DAAM1: variants seen among roughly 807,000 people sequenced by gnomAD.
DAAM1 encodes disheveled-associated activator of morphogenesis 1.
Under a neutral mutation model 130.0 loss-of-function variants are expected in DAAM1, and 52 were observed. The ratio of observed to expected loss-of-function variants is 0.40; its 90% CI spans 0.32 to 0.50. DAAM1 has a LOEUF of 0.50. Ranked by LOEUF, DAAM1 falls within the 20% of genes least tolerant of loss-of-function variation. The pLI is 0.61. For missense variants in DAAM1, 1,134 were observed against 1,303.8 expected (o/e 0.87, Z 2.01); for synonymous variants, 452 against 444.5 (o/e 1.02, Z -0.21).
In DAAM1 at chr14:59,264,212, G is replaced by T. The variant is rs138221304; in HGVS notation, c.183+552G>T. 2.1e-3 allele frequency: 336 copies of T among 161,680 alleles called. 1 individual carries two copies. The highest frequency in any genetic ancestry group is 7.6e-3 in the African/African-American group (315 of 41,612). 10.0% of individuals were successfully genotyped at this position (161,680 alleles called of 1,614,324 possible). ...AACTGCTGTGGGAATCTTTTTATAG[G>T]TACTATCATATTTTAGAATCAAATA... On this transcript the variant is annotated intron_variant, in intron 2 of 24. Coordinates refer to ENST00000360909, the MANE Select transcript of DAAM1 (RefSeq NM_001270520.2).
rs1486044812 is a variant in DAAM1, at chr14:59,201,426, C to A, written c.-38+12658C>A. ...CCACCTGAGGTCAGGAGCTCGAGAC[C>A]AGCCTGGCCAACATGGCAAAACCCT... is the stretch of plus-strand genomic sequence containing the variant. On this transcript the variant is annotated intron_variant, in intron 1 of 24. Transcript: ENST00000360909. 2.6e-5 allele frequency among the ~76,000 whole-genome samples: 4 copies of A among 151,990 alleles called. No individual in the cohort carries two copies. The East Asian group carries it at 7.8e-4, about 29-fold the overall frequency.
chr14:59,370,228 A>G lies in DAAM1; in HGVS notation c.*1369A>G, dbSNP rs78026133. On this transcript the variant is annotated 3_prime_UTR_variant, in exon 25 of 25. Transcript: ENST00000360909. Reference sequence around the variant, plus strand: ...AACGTTTTCTCTTTTCTTTCTATTGATCCTGTTGTGGTTGGGTTTCCTGTG... The same window carrying G: ...AACGTTTTCTCTTTTCTTTCTATTGGTCCTGTTGTGGTTGGGTTTCCTGTG... 5 of 118,990 alleles carry G rather than the reference A, an allele frequency of 4.2e-5. No homozygotes were observed. In the East Asian group the frequency reaches 1.2e-3, roughly 29 times the overall value. 7.4% of individuals were successfully genotyped at this position (118,990 alleles called of 1,614,324 possible).
chr14:59,289,150 C>T (rs950559056), intron 2 of DAAM1, among the ~76,000 whole-genome samples: 4 of 152,116 alleles, frequency 2.6e-5, no homozygotes, highest in South Asian at 2.1e-4. Context: ...CTCCTGACCT[C>T]GTGATCTGCC....
intron 23 of DAAM1, among the ~76,000 whole-genome samples, 200 bp downstream of exon 23, chr14:59,363,982 T>C (rs1035749825): frequency 6.6e-6 from 1 of 152,262 alleles, no homozygotes. Flanking sequence ...AGACTGTGAT[T>C]AATCTGAACA....
At chr14:59,227,005 C>T (rs919908270) in intron 1 of DAAM1, among the ~76,000 whole-genome samples, 2 of 152,166 alleles carry the variant, frequency 1.3e-5, no homozygotes, top group African/African-American at 4.8e-5. Flanking sequence ...ATTTTTCCCC[C>T]ACCTTGTTTT....
At chr14:59,220,907 T>C (rs1888750157) in intron 1 of DAAM1, among the ~76,000 whole-genome samples, 1 of 152,200 alleles carries the variant, frequency 6.6e-6, no homozygotes, top group Non-Finnish European at 1.5e-5. Flanking sequence ...AGAGGATCTT[T>C]CCTGAATCTA....
chr14:59,355,146 T>C lies in DAAM1; in HGVS notation c.2357-19T>C, dbSNP rs759832686. On this transcript the variant is annotated intron_variant, in intron 19 of 24. Coordinates refer to ENST00000360909, the MANE Select transcript of DAAM1 (RefSeq NM_001270520.2). The stretch of plus-strand genomic sequence containing the variant: ...ACGAAACACTTGGTAATCATGTTTT[T>C]ATGTGTTTTGTTTTGAAGCAATTCG... 8 of 1,599,818 alleles carry C rather than the reference T, an allele frequency of 5.0e-6. No individual in the cohort carries two copies. The Admixed American group carries it at 1.4e-4, about 28-fold the overall frequency.
chr14:59,348,417 T>C (rs539397865), intron 17 of DAAM1, among the ~76,000 whole-genome samples: 13 of 152,360 alleles, frequency 8.5e-5, no homozygotes, highest in African/African-American at 3.1e-4. Flanking sequence ...GATTTTCACC[T>C]GTCTCTGCCC....
intron 15 of DAAM1, 36 bp from the exon 16 acceptor site, chr14:59,340,038 T>C: frequency 6.3e-7 from 1 of 1,587,192 alleles, no homozygotes; most frequent in Non-Finnish European, 8.6e-7. Flanking sequence ...AATGTCCCTG[T>C]TGGACTTTGA....
chr14:59,314,150 C>T (rs1418519644), intron 3 of DAAM1, among the ~76,000 whole-genome samples: 1 of 152,186 alleles, frequency 6.6e-6, no homozygotes. Flanking sequence ...ACCTTGAAAC[C>T]ACTCTCCTGA....
chr14:59,284,027 G>T (rs760525016), intron 2 of DAAM1, among the ~76,000 whole-genome samples: 1 of 152,128 alleles, frequency 6.6e-6, no homozygotes, highest in African/African-American at 2.4e-5. Context: ...ATGCAGTGTC[G>T]TGTACCTTTT....
Position 59,326,009 on chromosome 14 carries a change from A to G in DAAM1, c.1106A>G (p.Lys369Arg). 6.2e-7 allele frequency: 1 copy of G among 1,614,228 alleles called. No homozygotes were observed. Among genetic ancestry groups the G allele is most frequent in the Non-Finnish European group, 8.5e-7 (1 of 1,180,026 alleles). ...ACTCAGATGTTTGAGCTGACCAGGA[A>G]GAGGCTGACACATAGTGAAGCTTAC... ...SATQMFELTRKRLTHSEAYPH... is the reference protein window; with the variant it reads ...SATQMFELTRRRLTHSEAYPH... Residue 369 changes from lysine (K) to arginine (R), a missense_variant, in exon 10 of 25, where the codon AAG (lysine) becomes AGG (arginine). Transcript: ENST00000360909.
In DAAM1 at chr14:59,224,119, G is replaced by T. The variant is rs117215346; in HGVS notation, c.-38+35351G>T. Among the ~76,000 whole-genome samples, 1,345 of 152,316 alleles carry T rather than the reference G, an allele frequency of 8.8e-3. 6 individuals carry two copies. The highest frequency in any genetic ancestry group is 0.014 in the Non-Finnish European group (980 of 68,014). ...TGTCAGGTGACAGCAAACTGATTTT[G>T]GCTGGCCTTGTGGACAGGTATGGAG... On this transcript the variant is annotated intron_variant, in intron 1 of 24. Coordinates refer to ENST00000360909, the MANE Select transcript of DAAM1 (RefSeq NM_001270520.2).
intron 3 of DAAM1, among the ~76,000 whole-genome samples, chr14:59,292,555 G>A (rs74059719): frequency 0.016 from 2,442 of 152,250 alleles, 57 homozygotes; most frequent in African/African-American, 0.055. Context: ...TCTTTGTAAC[G>A]CCAGCATCTG....
rs144486445 is a variant in DAAM1 at position 59,224,664 on chromosome 14, T to C, written c.-38+35896T>C. On this transcript the variant is annotated intron_variant, in intron 1 of 24. Transcript: ENST00000360909. ...GATTGAGTTAAGACTTTTGGGGCTA[T>C]TGAGGTGGAATTAATGTATTTTGCA... Among the ~76,000 whole-genome samples, 8 of 152,336 alleles carry C rather than the reference T, an allele frequency of 5.3e-5. No individual in the cohort carries two copies. In the East Asian group the frequency reaches 1.5e-3, roughly 29 times the overall value.
At chr14:59,239,963 T>G (rs1247223299) in intron 1 of DAAM1, among the ~76,000 whole-genome samples, 4 of 152,204 alleles carry the variant, frequency 2.6e-5, no homozygotes, top group African/African-American at 7.2e-5. Context: ...AAAATTTGTT[T>G]CCAAAATGGG....
chr14:59,268,466 T>TG (rs879342127), intron 2 of DAAM1, among the ~76,000 whole-genome samples: 5 of 152,314 alleles, frequency 3.3e-5, no homozygotes, highest in Middle Eastern at 3.4e-3. Flanking sequence ...CAGCAATGTA[T>TG]GAGGGTTCCA....
chr14:59,326,850 C>A (rs1361340139), intron 11 of DAAM1, 83 bp from the exon 12 acceptor site: 1 of 1,576,322 alleles, frequency 6.3e-7, no homozygotes, highest in Non-Finnish European at 8.7e-7. Flanking sequence ...CTGCAGTAGA[C>A]TATTTTTGTA....
chr14:59,365,197 G>A (rs1347416756), intron 23 of DAAM1, among the ~76,000 whole-genome samples: 1 of 152,112 alleles, frequency 6.6e-6, no homozygotes, highest in Admixed American at 6.5e-5. Flanking sequence ...GTAGGGGGTG[G>A]AACTTTAATC....
Sources: gnomAD v4.1 joint callset for allele counts (sites outside exome capture counted in the v4.1 genomes callset) on GRCh38, gnomAD v4.1.1 for gene constraint, MANE v1.5 for transcripts, NCBI Gene and HGNC (gene_info 2026-07-23, HGNC 2026-07-21) for gene names.